PDS5A: variants seen among roughly 807,000 people sequenced by gnomAD.
The protein encoded by PDS5A is sister chromatid cohesion protein PDS5 homolog A.
PDS5A carries 42 observed loss-of-function variants against 167.1 expected under a neutral mutation model. The observed-to-expected ratio is 0.25, with a 90% CI of 0.20 to 0.33. The LOEUF (loss-of-function observed/expected upper bound fraction) is 0.33. Ranked by LOEUF, PDS5A falls within the 10% of genes least tolerant of loss-of-function variation. PDS5A has a pLI of 1.00. For missense variants in PDS5A, 1,033 were observed against 1,605.9 expected (o/e 0.64, Z 6.10); for synonymous variants, 553 against 554.6 (o/e 1.00, Z 0.04).
intron 11 of PDS5A, among the ~76,000 whole-genome samples, chr4:39,904,397 G>A (rs899368033): frequency 4.0e-5 from 6 of 151,778 alleles, no homozygotes; most frequent in Admixed American, 3.3e-4. Context: ...GGAGTGCAGT[G>A]GCAGGATCTT....
Position 39,908,536 on chromosome 4 carries a change from A to G in PDS5A, c.1092T>C (p.Tyr364=), listed in dbSNP as rs758640246. 3 of 1,554,832 alleles carry G rather than the reference A, an allele frequency of 1.9e-6. No individual in the cohort carries two copies. Among genetic ancestry groups the G allele is most frequent in the South Asian group, 1.1e-5 (1 of 87,570 alleles). ...HPDLAKDLTE[Y]LKVRSHDPEE... ...CTGGATCATGTGATCTAACCTTTAA[A>G]TATTCTGTAATAAGAGAAAAAAAAC... Residue 364 remains tyrosine (Y), a synonymous_variant, in exon 11 of 33, where the codon TAT becomes TAC. Coordinates refer to ENST00000303538, the MANE Select transcript of PDS5A (RefSeq NM_001100399.2).
chr4:39,943,000 A>T (rs1261959082), intron 2 of PDS5A, among the ~76,000 whole-genome samples: 1 of 152,086 alleles, frequency 6.6e-6, no homozygotes, highest in Admixed American at 6.6e-5. Flanking sequence ...ACATATGTAC[A>T]AGGTATTTTC....
chr4:39,838,951 G>C (rs2109486693), intron 31 of PDS5A, among the ~76,000 whole-genome samples: 1 of 152,102 alleles, frequency 6.6e-6, no homozygotes, highest in South Asian at 2.1e-4. Context: ...TTGCACCATT[G>C]TACTCCAGCC....
At chr4:39,954,669 G>GT (rs1728747823) in intron 2 of PDS5A, among the ~76,000 whole-genome samples, 1 of 36,646 alleles carries the variant, frequency 2.7e-5, no homozygotes, top group African/African-American at 1.6e-4. Context: ...CAAGAGATAA[G>GT]TAAAAAAAAA....
chr4:39,909,676 T>C (rs753603893), intron 10 of PDS5A, among the ~76,000 whole-genome samples: 1 of 152,170 alleles, frequency 6.6e-6, no homozygotes, highest in Non-Finnish European at 1.5e-5. Flanking sequence ...AACAAAAACA[T>C]GTTGTTTCCC....
At chr4:39,888,012 G>A (rs1721630592) in intron 17 of PDS5A, among the ~76,000 whole-genome samples, 1 of 152,170 alleles carries the variant, frequency 6.6e-6, no homozygotes, top group Admixed American at 6.5e-5. Context: ...AGCACTTTGG[G>A]AGGCTGAGGC....
intron 2 of PDS5A, among the ~76,000 whole-genome samples, chr4:39,941,960 C>G (rs1443297145): frequency 6.6e-6 from 1 of 152,152 alleles, no homozygotes; most frequent in Non-Finnish European, 1.5e-5. Flanking sequence ...TAGTTTCATA[C>G]TGAATAAAGT....
chr4:39,902,329 A>C lies in PDS5A; in HGVS notation c.1499+18T>G, dbSNP rs979637804. The C allele has an allele frequency of 9.0e-7, 1 of 1,116,964 alleles. No homozygotes were observed. Among genetic ancestry groups the C allele is most frequent in the African/African-American group, 1.6e-5 (1 of 63,942 alleles). The allele number at this position is 1,116,964 out of a possible 1,614,324, so 69.2% of individuals were successfully genotyped here. ...GAAATCCTTAGAAAATACAGCAGTT[A>C]TTTGAAAAGTAACTTACTTTACAGC... On this transcript the variant is annotated intron_variant, in intron 13 of 32. Transcript: ENST00000303538.
In PDS5A at chr4:39,904,085, T is replaced by G; in HGVS notation, c.1340A>C (p.Lys447Thr). 4 of 1,612,016 alleles carry G rather than the reference T, an allele frequency of 2.5e-6. No individual in the cohort carries two copies. The highest frequency in any genetic ancestry group is 3.4e-6 in the Non-Finnish European group (4 of 1,178,624). The change falls in exon 12 of 33, where the codon AAG becomes ACG. Residue 447 changes from lysine to threonine, a missense_variant. Physicochemically the swap from Lys to Thr is moderately conservative, Grantham distance 78 (BLOSUM62 -1). Transcript: ENST00000303538. ...KEAAEKVSWI[K>T]DKLLHIYYQN... ...ATAATAAATATGCAGAAGTTTGTCC[T>G]TTATCCAGCTGACTTTCTCTGCAGC...
intron 2 of PDS5A, among the ~76,000 whole-genome samples, chr4:39,948,153 G>C (rs2109780603): frequency 6.9e-6 from 1 of 145,156 alleles, no homozygotes; most frequent in African/African-American, 2.6e-5. Flanking sequence ...TTGAAAGACT[G>C]AGGCAGCAGG....
intron 2 of PDS5A, among the ~76,000 whole-genome samples, chr4:39,942,396 C>T (rs901082486): frequency 3.3e-5 from 5 of 152,112 alleles, no homozygotes; most frequent in African/African-American, 1.2e-4. Context: ...TACATACCTA[C>T]CCTACCCAAA....
rs1716598033 is a variant in PDS5A at position 39,838,081 on chromosome 4, G to A, written c.3785C>T (p.Pro1262Leu). The change falls in exon 32 of 33, where the codon CCT becomes CTT. Residue 1262 changes from proline (P) to leucine (L), a missense_variant. Pro to Leu is a moderately conservative substitution (Grantham distance 98). Transcript: ENST00000303538. ...KTDEKVDESG[P>L]PAPSKPRRGR... The stretch of plus-strand genomic sequence containing the variant: ...TCTCCTGGGTTTGGAAGGGGCGGGA[G>A]GTCCCGATTCATCTACTTTCTCATC... The A allele has an allele frequency of 6.2e-7, 1 of 1,613,934 alleles. No individual in the cohort carries two copies. Among genetic ancestry groups the A allele is most frequent in the South Asian group, 1.1e-5 (1 of 91,068 alleles).
In PDS5A at chr4:39,866,798, T is replaced by C. The variant is rs936666187; in HGVS notation, c.2642+63A>G. The C allele has an allele frequency of 3.5e-6, 5 of 1,448,240 alleles. No individual in the cohort carries two copies. The African/African-American group carries it at 4.2e-5, about 12-fold the overall frequency. The allele number at this position is 1,448,240 out of a possible 1,614,324, so 89.7% of individuals were successfully genotyped here. A position where few individuals can be genotyped will look rare whatever the true frequency, so the allele number is the denominator to read the frequency against. ...CATTCAGTATTCATTAGGTAAATAA[T>C]TCCTATGTAAATTCCACCAAAATTT... On this transcript the variant is annotated intron_variant, in intron 23 of 32. Transcript: ENST00000303538.
At chr4:39,909,952 T>C in intron 10 of PDS5A, 1 of 235,442 alleles carries the variant, frequency 4.2e-6, no homozygotes, top group Non-Finnish European at 8.1e-6. Flanking sequence ...ATATGAAGAT[T>C]TTAAGCTGGG....
rs1183786916 is a variant in PDS5A at position 39,829,846 on chromosome 4, A to G, written c.4011-4358T>C. On this transcript the variant is annotated intron_variant, in intron 32 of 32. Coordinates refer to ENST00000303538, the MANE Select transcript of PDS5A (RefSeq NM_001100399.2). ...GGTGCCTGTGGTCCCAGCTACTCAG[A>G]AGGCTGAGGCAGGAGAATGGCGTGA... 1.9e-4 allele frequency among the ~76,000 whole-genome samples: 27 copies of G among 144,668 alleles called. No homozygotes were observed. In the Admixed American group the frequency reaches 1.9e-3, roughly 10 times the overall value. 94.9% of individuals were successfully genotyped at this position (144,668 alleles called of 152,430 possible).
chr4:39,948,583 A>G (rs529136227), intron 2 of PDS5A, among the ~76,000 whole-genome samples: 1 of 147,682 alleles, frequency 6.8e-6, no homozygotes, highest in Non-Finnish European at 1.5e-5. Context: ...TCGGCCTCCC[A>G]AAGTGCTGGG....
At chr4:39,887,059 G>A (rs551090341) in intron 17 of PDS5A, among the ~76,000 whole-genome samples, 193 of 152,068 alleles carry the variant, frequency 1.3e-3, no homozygotes, top group African/African-American at 4.4e-3. Context: ...TGTCATCTGC[G>A]AACAAGGCTA....
intron 26 of PDS5A, among the ~76,000 whole-genome samples, chr4:39,850,307 G>C (rs751964183): frequency 1.3e-5 from 2 of 149,914 alleles, no homozygotes; most frequent in African/African-American, 4.9e-5. Context: ...GACTAGCCTC[G>C]TGAGACCCCA....
intron 17 of PDS5A, among the ~76,000 whole-genome samples, chr4:39,885,493 T>C (rs1361725083): frequency 6.6e-6 from 1 of 152,012 alleles, no homozygotes; most frequent in African/African-American, 2.4e-5. Flanking sequence ...TAGTTCCACC[T>C]ACTCAGGAGG....
Sources: gnomAD v4.1 joint callset for allele counts (sites outside exome capture counted in the v4.1 genomes callset) on GRCh38, gnomAD v4.1.1 for gene constraint, MANE v1.5 for transcripts, NCBI Gene and HGNC (gene_info 2026-07-23, HGNC 2026-07-21) for gene names.